ADCY9: variants seen among roughly 807,000 people sequenced by gnomAD.
ADCY9 encodes adenylate cyclase 9, also known as adenylate cyclase type 9.
ADCY9 carries 50 observed loss-of-function variants against 101.5 expected under a neutral mutation model. The observed-to-expected ratio is 0.49, with a 90% confidence interval of 0.39 to 0.62. ADCY9 has a LOEUF of 0.62. ADCY9 is among the 20% of genes least tolerant of loss of function. ADCY9 has a pLI of 0.00. For synonymous variants in ADCY9, 905 were observed against 769.3 expected (o/e 1.18, Z -2.92); for missense variants, 1,662 against 1,800.4 (o/e 0.92, Z 1.39).
At chr16:4,026,518 T>C (rs2056516373) in intron 2 of ADCY9, among the ~76,000 whole-genome samples, 1 of 151,874 alleles carries the variant, frequency 6.6e-6, no homozygotes, top group South Asian at 2.1e-4. Flanking sequence ...TCAAACCTTA[T>C]GTTTACAAAA....
intron 6 of ADCY9, among the ~76,000 whole-genome samples, chr16:3,984,586 G>A (rs890518964): frequency 5.3e-5 from 8 of 152,210 alleles, no homozygotes; most frequent in African/African-American, 1.9e-4. Flanking sequence ...AGGGCACACA[G>A]CGAACAAGGA....
chr16:4,087,817 TTC>T (rs528927276), intron 2 of ADCY9, among the ~76,000 whole-genome samples: 2 of 149,588 alleles, frequency 1.3e-5, no homozygotes, highest in Non-Finnish European at 2.9e-5. Context: ...TTTTCTTTCT[TTC>T]TCTCTCTCTC....
intron 2 of ADCY9, among the ~76,000 whole-genome samples, chr16:4,054,912 C>T (rs931623156): frequency 1.3e-5 from 2 of 152,172 alleles, no homozygotes; most frequent in African/African-American, 4.8e-5. Flanking sequence ...AAGAATCCCA[C>T]ATGCTGTACA....
At chr16:4,010,594 T>C (rs2141724149) in intron 2 of ADCY9, among the ~76,000 whole-genome samples, 1 of 152,248 alleles carries the variant, frequency 6.6e-6, no homozygotes, top group East Asian at 1.9e-4. Context: ...TTGGCCGAGA[T>C]CGTGACCTGT....
Position 4,115,530 on chromosome 16 carries a change from T to G in ADCY9, c.-43-45A>C, listed in dbSNP as rs534661858. ...AGTTAGCGGCGCTCCCACCTAGGCA[T>G]GCACGCCTAGAGGCCCGGGACCTGC... On this transcript the variant is annotated intron_variant, in intron 1 of 10. Coordinates refer to ENST00000294016, the MANE Select transcript of ADCY9 (RefSeq NM_001116.4). This position sits in a 1 kb window ranked among gnomAD's most constrained non-coding sequence, Gnocchi z 6.2. The G allele has an allele frequency of 3.5e-6, 5 of 1,435,886 alleles. No homozygotes were observed. In the African/African-American group the frequency reaches 7.2e-5, roughly 21 times the overall value. 88.9% of individuals were successfully genotyped at this position (1,435,886 alleles called of 1,614,324 possible).
At chr16:3,998,749 G>GAAAGAAAAGA (rs71133679) in intron 3 of ADCY9, among the ~76,000 whole-genome samples, 4,554 of 89,648 alleles carry the variant, frequency 0.051, 158 homozygotes, top group Admixed American at 0.082. Flanking sequence ...AAGAAAGAAA[G>GAAAGAAAAGA]AAAGAAAAGA....
At chr16:3,979,020 G>C (rs1468014277) in intron 8 of ADCY9, 96 bp downstream of exon 8, 3 of 1,526,472 alleles carry the variant, frequency 2.0e-6, no homozygotes, top group African/African-American at 1.4e-5. Context: ...TGGCCAAAGG[G>C]TTTATTTTTA....
At chr16:4,002,290 A>C (rs2056336269) in intron 3 of ADCY9, among the ~76,000 whole-genome samples, 1 of 152,222 alleles carries the variant, frequency 6.6e-6, no homozygotes. Context: ...ATAACGAATG[A>C]AAAGCCCCTT....
At chr16:3,994,967 A>G (rs2056275537) in intron 3 of ADCY9, among the ~76,000 whole-genome samples, 1 of 152,206 alleles carries the variant, frequency 6.6e-6, no homozygotes, top group South Asian at 2.1e-4. Flanking sequence ...TAATGGACCT[A>G]GAAAAGAGAA....
In ADCY9 at chr16:3,983,396, G is replaced by T; in HGVS notation, c.2355C>A (p.Phe785Leu). The T allele has an allele frequency of 1.2e-6, 2 of 1,608,420 alleles. No individual in the cohort carries two copies. The highest frequency in any genetic ancestry group is 1.7e-6 in the Non-Finnish European group (2 of 1,177,008). ...SPVKTFASPT[F>L]SSLLDVFLST... Reference sequence around the variant, plus strand: ...ACAGAAACACATCCAGGAGGGAGCTGAAGGTGGGACTAGCAAACGTCTTCA... The same window carrying T: ...ACAGAAACACATCCAGGAGGGAGCTTAAGGTGGGACTAGCAAACGTCTTCA... Residue 785 changes from phenylalanine (F) to leucine (L), a missense_variant, in exon 7 of 11, where the codon TTC becomes TTA. Coordinates refer to ENST00000294016, the MANE Select transcript of ADCY9 (RefSeq NM_001116.4).
chr16:4,038,862 G>A (rs1266932135), intron 2 of ADCY9, among the ~76,000 whole-genome samples: 2 of 151,806 alleles, frequency 1.3e-5, no homozygotes, highest in African/African-American at 2.4e-5. Flanking sequence ...AATGTCTCTC[G>A]GGCCCCAGCA....
At chr16:3,998,495 G>A (rs1398516455) in intron 3 of ADCY9, among the ~76,000 whole-genome samples, 4 of 151,946 alleles carry the variant, frequency 2.6e-5, no homozygotes, top group Admixed American at 6.6e-5. Context: ...TGGATCACAA[G>A]GTCAGGAGAT....
intron 3 of ADCY9, among the ~76,000 whole-genome samples, chr16:4,002,980 T>C (rs964105419): frequency 5.9e-5 from 9 of 152,188 alleles, no homozygotes; most frequent in Admixed American, 5.2e-4. Flanking sequence ...CCTCCCAAAG[T>C]GTTGGGATTA....
Position 4,010,054 on chromosome 16 carries a change from T to C in ADCY9, c.1694-2496A>G, listed in dbSNP as rs558565973. 2.0e-5 allele frequency among the ~76,000 whole-genome samples: 3 copies of C among 152,030 alleles called. 1 individual carries two copies. The highest frequency in any genetic ancestry group is 4.8e-5 in the African/African-American group (2 of 41,456). ...GGAGGGACATTTTTTTGATGGGAGG[T>C]AGGAAAAGTTGCGGCTGAAGGATGA... On this transcript the variant is annotated intron_variant, in intron 2 of 10. Transcript: ENST00000294016.
chr16:4,084,504 T>C (rs896933987), intron 2 of ADCY9, among the ~76,000 whole-genome samples: 6 of 151,960 alleles, frequency 3.9e-5, no homozygotes, highest in Admixed American at 6.6e-5. Flanking sequence ...GGTGGGGGTA[T>C]TGCTTGAGGC....
intron 2 of ADCY9, among the ~76,000 whole-genome samples, chr16:4,041,963 G>A (rs747575753): frequency 5.4e-5 from 7 of 128,876 alleles, no homozygotes; most frequent in African/African-American, 1.2e-4. Flanking sequence ...TTGCTCTGTC[G>A]CCCAGGCTGA....
intron 2 of ADCY9, among the ~76,000 whole-genome samples, chr16:4,031,290 T>C (rs142541339): frequency 1.1e-3 from 163 of 152,180 alleles, no homozygotes; most frequent in Non-Finnish European, 2.1e-3. Context: ...AGGGCCACAA[T>C]GTCTGCAATT....
intron 2 of ADCY9, chr16:4,054,123 C>T (rs908310477): frequency 2.0e-5 from 3 of 152,120 alleles, no homozygotes; most frequent in African/African-American, 4.8e-5. Flanking sequence ...GCAGGATTAG[C>T]GTCTGTTTTG....
At chr16:3,957,535 C>T (rs2055914327) in intron 5 of ADCY9, among the ~76,000 whole-genome samples, 1 of 151,990 alleles carries the variant, frequency 6.6e-6, no homozygotes, top group African/African-American at 2.4e-5. Flanking sequence ...GAGTGCAGAA[C>T]CGTGGCATCC....
Sources: gnomAD v4.1 joint callset for allele counts (sites outside exome capture counted in the v4.1 genomes callset) on GRCh38, gnomAD v4.1.1 for gene constraint, Gnocchi (gnomAD v3.1) non-coding constraint, MANE v1.5 for transcripts, NCBI Gene and HGNC (gene_info 2026-07-23, HGNC 2026-07-21) for gene names.